TRABD: variants seen among roughly 807,000 people sequenced by gnomAD.
TRABD encodes TraB domain containing, also known as traB domain-containing protein.
Under a neutral mutation model 39.6 loss-of-function variants are expected in TRABD, and 23 were observed. That is an observed-to-expected ratio of 0.58 (90% CI 0.42 to 0.82). The LOEUF (loss-of-function observed/expected upper bound fraction) is 0.82, where lower values mean the gene tolerates loss of function less well. TRABD is among the 40% of genes least tolerant of loss of function. The pLI is 0.00. For synonymous variants in TRABD, 243 were observed against 232.1 expected (o/e 1.05, Z -0.43); for missense variants, 487 against 544.9 (o/e 0.89, Z 1.06).
At chr22:50,186,642 G>A (rs781132830) in intron 1 of TRABD, among the ~76,000 whole-genome samples, 1 of 152,152 alleles carries the variant, frequency 6.6e-6, no homozygotes, top group Non-Finnish European at 1.5e-5. Flanking sequence ...GGGGTGCTGG[G>A]GGAGGCCGAG....
intron 1 of TRABD, among the ~76,000 whole-genome samples, 192 bp downstream of exon 1, chr22:50,186,168 G>A (rs1466344767): frequency 1.4e-5 from 2 of 144,422 alleles, no homozygotes; most frequent in East Asian, 4.1e-4. Flanking sequence ...GGTCGTGGGG[G>A]TCAGGCCCGG....
At chr22:50,191,078 G>T (rs1264455102) in intron 1 of TRABD, among the ~76,000 whole-genome samples, 1 of 152,200 alleles carries the variant, frequency 6.6e-6, no homozygotes, top group East Asian at 1.9e-4. Flanking sequence ...ACATGAGCCT[G>T]GTGTTTATCA....
intron 1 of TRABD, among the ~76,000 whole-genome samples, chr22:50,186,441 T>C (rs1226924472): frequency 1.3e-5 from 2 of 152,092 alleles, no homozygotes; most frequent in East Asian, 1.9e-4. Flanking sequence ...GGAGCGGCGC[T>C]GCCGAGGAGC....
chr22:50,195,829 C>G (rs73893133), intron 5 of TRABD, among the ~76,000 whole-genome samples: 4,555 of 152,310 alleles, frequency 0.03, 210 homozygotes, highest in African/African-American at 0.1. Flanking sequence ...TGCCTTCCCC[C>G]TGTTCAAAGG....
intron 1 of TRABD, among the ~76,000 whole-genome samples, chr22:50,188,195 G>A (rs1248707615): frequency 6.6e-6 from 1 of 151,778 alleles, no homozygotes; most frequent in African/African-American, 2.4e-5. Flanking sequence ...CAGGAGAATC[G>A]CTTGGACCTC....
At chr22:50,194,770 C>A (rs1019139625) in intron 4 of TRABD, 130 bp from the exon 5 acceptor site, 6 of 1,369,916 alleles carry the variant, frequency 4.4e-6, no homozygotes, top group Non-Finnish European at 5.9e-6. Flanking sequence ...ACTGCAGCAG[C>A]GGGGTTAGCT....
intron 4 of TRABD, 25 bp downstream of exon 4, chr22:50,194,531 C>T: frequency 6.4e-7 from 1 of 1,562,786 alleles, no homozygotes; most frequent in South Asian, 1.2e-5. Context: ...CCGCCACATC[C>T]CGGACACGGG....
intron 3 of TRABD, among the ~76,000 whole-genome samples, chr22:50,194,132 G>A (rs2064010842): frequency 6.6e-6 from 1 of 152,218 alleles, no homozygotes; most frequent in Non-Finnish European, 1.5e-5. Flanking sequence ...CTGGCTTCTC[G>A]AAGCCGTGCA....
rs113458311 is a variant in TRABD at position 50,193,090 on chromosome 22, C to T, written c.30C>T (p.His10=). MDGEEQQPP[H]EANVEPVVPS... is the part of the protein sequence containing the mutation. ...ACGGGGAGGAGCAGCAGCCACCGCA[C>T]GAGGTGAGGTGGAGGCTGGGCTGGC... Residue 10 remains histidine, a synonymous_variant, in exon 2 of 10, where the codon CAC becomes CAT. Transcript: ENST00000380909. The T allele has an allele frequency of 6.5e-6, 10 of 1,544,998 alleles. No homozygotes were observed. The highest frequency in any genetic ancestry group is 5.5e-5 in the African/African-American group (4 of 73,062).
intron 7 of TRABD, 57 bp from the exon 8 acceptor site, chr22:50,197,766 C>CG: frequency 1.1e-6 from 1 of 925,780 alleles, no homozygotes; most frequent in Non-Finnish European, 1.7e-6. Flanking sequence ...CAGTGCCAGC[C>CG]CCACCCCCCC....
chr22:50,197,758 G>C lies in TRABD; in HGVS notation c.672-65G>C, dbSNP rs2064169038. ...CTGTGGTCCCTGCCCGGTGTCCACA[G>C]TGCCAGCCCCACCCCCCCAGCCCGT... is the stretch of plus-strand genomic sequence containing the variant. On this transcript the variant is annotated intron_variant, in intron 7 of 9. Transcript: ENST00000380909. 5 of 1,572,156 alleles carry C rather than the reference G, an allele frequency of 3.2e-6. No individual in the cohort carries two copies. The East Asian group carries it at 1.1e-4, about 35-fold the overall frequency.
rs772378486 is a variant in TRABD at position 50,198,335 on chromosome 22, C to T, written c.957-10C>T. 1.3e-6 allele frequency: 2 copies of T among 1,558,326 alleles called. No homozygotes were observed. Among genetic ancestry groups the T allele is most frequent in the Non-Finnish European group, 1.7e-6 (2 of 1,154,996 alleles). ...CCCCAGCCAGGCCCAGCGCCCCCTC[C>T]CTCCCACAGCGTGCCCCCGCCGTCC... On this transcript the variant is annotated splice_polypyrimidine_tract_variant and intron_variant, in intron 9 of 9. Transcript: ENST00000380909. The surrounding 1 kb of genome is among the most constrained non-coding windows in gnomAD (Gnocchi z 7.9).
intron 2 of TRABD, 45 bp downstream of exon 2, chr22:50,193,138 G>C: frequency 6.6e-7 from 1 of 1,512,100 alleles, no homozygotes; most frequent in South Asian, 1.2e-5. Flanking sequence ...GGGGCGGGGG[G>C]CTTCCCCGCT....
At chr22:50,197,184 C>T in intron 5 of TRABD, 57 bp from the exon 6 acceptor site, 1 of 1,535,282 alleles carries the variant, frequency 6.5e-7, no homozygotes, top group Admixed American at 1.7e-5. Flanking sequence ...TCTGCCATTC[C>T]CCCAGCGCAC....
At chr22:50,189,760 C>G (rs995138992) in intron 1 of TRABD, among the ~76,000 whole-genome samples, 2 of 150,994 alleles carry the variant, frequency 1.3e-5, no homozygotes, top group African/African-American at 4.9e-5. Context: ...CTGGCCGGAC[C>G]CCAGGTGATG....
At chr22:50,197,775 C>CCCCCCCCCGGGCCCACA in intron 7 of TRABD, 48 bp from the exon 8 acceptor site, 1 of 1,487,950 alleles carries the variant, frequency 6.7e-7, no homozygotes, top group Non-Finnish European at 9.3e-7. Flanking sequence ...CCCCACCCCC[C>CCCCCCCCCGGGCCCACA]CAGCCCGTTG....
chr22:50,189,985 G>C (rs1008402155), intron 1 of TRABD, among the ~76,000 whole-genome samples: 24 of 152,234 alleles, frequency 1.6e-4, no homozygotes, highest in Admixed American at 1.2e-3. Flanking sequence ...TCTGGGCCCA[G>C]CCATAAATGT....
At position 50,198,101 on chromosome 22, in the gene TRABD, G is replaced by C. The variant is rs1172059127; in HGVS notation, c.871G>C (p.Val291Leu). Residue 291 changes from valine to leucine, a missense_variant, in exon 9 of 10, where the codon GTG becomes CTG. Val to Leu is a conservative substitution (Grantham distance 32). Coordinates refer to ENST00000380909, the MANE Select transcript of TRABD (RefSeq NM_001320485.2). The surrounding 1 kb of genome is among the most constrained non-coding windows in gnomAD (Gnocchi z 7.9). ...CGAGCCCAGGAAGTGCGTCCCCTCCGTGGTCGTGGGCGTCGTGGGCATGGG... is the reference window on the plus strand; with the variant it reads ...CGAGCCCAGGAAGTGCGTCCCCTCCCTGGTCGTGGGCGTCGTGGGCATGGG... ...DAEPRKCVPS[V>L]VVGVVGMGHV... The C allele has an allele frequency of 6.2e-7, 1 of 1,612,636 alleles. No homozygotes were observed. Among genetic ancestry groups the C allele is most frequent in the Non-Finnish European group, 8.5e-7 (1 of 1,179,748 alleles).
chr22:50,188,702 G>T (rs946379557), intron 1 of TRABD, among the ~76,000 whole-genome samples: 2 of 152,220 alleles, frequency 1.3e-5, no homozygotes, highest in African/African-American at 4.8e-5. Context: ...TAACCTGTGG[G>T]TTTTGGGGGA....
Sources: gnomAD v4.1 joint callset for allele counts (sites outside exome capture counted in the v4.1 genomes callset) on GRCh38, gnomAD v4.1.1 for gene constraint, Gnocchi (gnomAD v3.1) non-coding constraint, MANE v1.5 for transcripts, NCBI Gene and HGNC (gene_info 2026-07-23, HGNC 2026-07-21) for gene names.